The following CPNE8 variants were observed in gnomAD, a reference collection of about 807,000 sequenced individuals.
The protein encoded by CPNE8 is copine 8.
A neutral mutation model predicts 81.5 loss-of-function variants in CPNE8; 45 were observed. That is an observed-to-expected ratio of 0.55 (90% CI 0.44 to 0.71). The LOEUF (loss-of-function observed/expected upper bound fraction) is 0.71. Among genes scored for constraint, CPNE8 ranks in the 30% least tolerant of loss-of-function variants. CPNE8 has a pLI of 0.00. For missense variants in CPNE8, 594 were observed against 672.1 expected (o/e 0.88, Z 1.28); for synonymous variants, 252 against 226.3 (o/e 1.11, Z -1.02).
At chr12:38,840,111 G>A (rs9738702) in intron 4 of CPNE8, among the ~76,000 whole-genome samples, 156 bp from the exon 5 acceptor site, 145 of 152,152 alleles carry the variant, frequency 9.5e-4, no homozygotes, top group African/African-American at 3.3e-3. Flanking sequence ...CACATATTCC[G>A]TGGCTTACAT....
rs181731497 is a variant in CPNE8 at position 38,690,633 on chromosome 12, G to A, written c.1143+3024C>T. Among the ~76,000 whole-genome samples the A allele has an allele frequency of 4.1e-4, 63 of 152,196 alleles. 1 individual carries two copies. Among genetic ancestry groups the A allele is most frequent in the East Asian group, 2.7e-3 (14 of 5,184 alleles). ...AGCAGTAGATACTTGTATAGCTTTG[G>A]TTACAAGGGGTAAATGTGGAGGTAG... On this transcript the variant is annotated intron_variant, in intron 15 of 19. Coordinates refer to ENST00000331366, the MANE Select transcript of CPNE8 (RefSeq NM_153634.3).
chr12:38,670,964 T>G (rs2136643733), intron 18 of CPNE8, 162 bp from the exon 19 acceptor site: 1 of 535,460 alleles, frequency 1.9e-6, no homozygotes, highest in Middle Eastern at 5.0e-4. Flanking sequence ...CATACAAAAC[T>G]TGATTAAGTG....
intron 6 of CPNE8, among the ~76,000 whole-genome samples, chr12:38,817,701 G>A (rs1392028122): frequency 7.7e-6 from 1 of 129,676 alleles, no homozygotes; most frequent in African/African-American, 2.9e-5. Context: ...TCAGCTCACT[G>A]CAAGCTCCGC....
At chr12:38,859,560 AAATAG>A (rs1943799133) in intron 3 of CPNE8, among the ~76,000 whole-genome samples, 1 of 152,152 alleles carries the variant, frequency 6.6e-6, no homozygotes, top group Admixed American at 6.5e-5. Context: ...TTTTTTATAA[AAATAG>A]ACAAAACAAT....
chr12:38,711,210 T>C (rs950959986), intron 13 of CPNE8, among the ~76,000 whole-genome samples: 39 of 152,308 alleles, frequency 2.6e-4, no homozygotes, highest in Middle Eastern at 3.4e-3. Context: ...ATCACTCAGT[T>C]CTTTCAGTTT....
chr12:38,844,148 GATT>G (rs1943516441), intron 4 of CPNE8, among the ~76,000 whole-genome samples: 1 of 152,214 alleles, frequency 6.6e-6, no homozygotes, highest in South Asian at 2.1e-4. Context: ...TACATTTCAT[GATT>G]ATTACCATTT....
At chr12:38,786,696 A>G (rs757758750) in intron 6 of CPNE8, among the ~76,000 whole-genome samples, 1 of 152,136 alleles carries the variant, frequency 6.6e-6, no homozygotes, top group Non-Finnish European at 1.5e-5. Flanking sequence ...AGGTATACTT[A>G]TATCAGACAA....
chr12:38,904,240 T>C (rs1376349372), intron 1 of CPNE8, among the ~76,000 whole-genome samples: 1 of 152,172 alleles, frequency 6.6e-6, no homozygotes, highest in African/African-American at 2.4e-5. Context: ...GGAGCCAGTT[T>C]TCCAGTGAGA....
At chr12:38,766,472 A>G (rs1941692399) in intron 8 of CPNE8, among the ~76,000 whole-genome samples, 1 of 152,190 alleles carries the variant, frequency 6.6e-6, no homozygotes, top group Non-Finnish European at 1.5e-5. Context: ...ACCATCAAAA[A>G]GAAGGGAAAT....
At chr12:38,659,920 C>T (rs868416577) in intron 19 of CPNE8, among the ~76,000 whole-genome samples, 4 of 152,090 alleles carry the variant, frequency 2.6e-5, no homozygotes, top group Non-Finnish European at 5.9e-5. Context: ...ATGTGAAGGA[C>T]CTCTTCAAGG....
intron 10 of CPNE8, among the ~76,000 whole-genome samples, chr12:38,746,829 A>T (rs1941235812): frequency 6.6e-6 from 1 of 152,218 alleles, no homozygotes; most frequent in Non-Finnish European, 1.5e-5. Context: ...AGGAACTAGA[A>T]TCCTATATAT....
chr12:38,722,670 A>T (rs1413447074), intron 13 of CPNE8, among the ~76,000 whole-genome samples: 2 of 152,244 alleles, frequency 1.3e-5, no homozygotes, highest in African/African-American at 2.4e-5. Context: ...CGTATTGAAA[A>T]TACAAGGTGA....
chr12:38,757,652 T>C (rs1445552132), intron 10 of CPNE8, among the ~76,000 whole-genome samples: 1 of 152,050 alleles, frequency 6.6e-6, no homozygotes, highest in Non-Finnish European at 1.5e-5. Flanking sequence ...AAAAGGTTTC[T>C]TGGTGAAAAT....
intron 7 of CPNE8, among the ~76,000 whole-genome samples, chr12:38,773,674 G>A (rs1941858630): frequency 1.3e-5 from 2 of 152,096 alleles, no homozygotes; most frequent in South Asian, 4.1e-4. Context: ...TTTTTATGAT[G>A]TTGTAGGTGA....
chr12:38,759,440 T>C (rs1192872892), intron 10 of CPNE8, among the ~76,000 whole-genome samples: 1 of 152,160 alleles, frequency 6.6e-6, no homozygotes, highest in Non-Finnish European at 1.5e-5. Flanking sequence ...TAAATCCCTA[T>C]GGAAAAATAG....
At chr12:38,690,847 T>A (rs895164898) in intron 15 of CPNE8, among the ~76,000 whole-genome samples, 2 of 152,108 alleles carry the variant, frequency 1.3e-5, no homozygotes, top group Non-Finnish European at 2.9e-5. Context: ...ATCACATGAG[T>A]GATTTTCATG....
At chr12:38,819,114 C>G (rs1943073237) in intron 6 of CPNE8, among the ~76,000 whole-genome samples, 1 of 152,158 alleles carries the variant, frequency 6.6e-6, no homozygotes, top group Non-Finnish European at 1.5e-5. Flanking sequence ...GTTTATTTTG[C>G]TGTGCAGAAG....
chr12:38,883,049 T>C (rs1944184305), intron 1 of CPNE8, among the ~76,000 whole-genome samples: 1 of 152,234 alleles, frequency 6.6e-6, no homozygotes, highest in Non-Finnish European at 1.5e-5. Flanking sequence ...ATTGCACACC[T>C]ACTATTTATT....
intron 10 of CPNE8, among the ~76,000 whole-genome samples, chr12:38,737,823 TTCTCTCTC>T (rs34037924): frequency 6.6e-6 from 1 of 151,182 alleles, no homozygotes; most frequent in African/African-American, 2.4e-5. Flanking sequence ...CACATACTCA[TTCTCTCTC>T]TCTCTCTCTC....
Sources: gnomAD v4.1 joint callset for allele counts (sites outside exome capture counted in the v4.1 genomes callset) on GRCh38, gnomAD v4.1.1 for gene constraint, MANE v1.5 for transcripts, NCBI Gene and HGNC (gene_info 2026-07-23, HGNC 2026-07-21) for gene names.